Variants in TULP4 observed in about 807,000 individuals in gnomAD.
The protein encoded by TULP4 is TUB like protein 4, also known as tubby-related protein 4.
Under a neutral mutation model 129.0 loss-of-function variants are expected in TULP4, and 16 were observed. That is an observed-to-expected ratio of 0.12 (90% CI 0.08 to 0.19). The LOEUF (loss-of-function observed/expected upper bound fraction) is 0.19, where lower values mean the gene tolerates loss of function less well. Ranked by LOEUF, TULP4 falls within the 10% of genes least tolerant of loss-of-function variation. The pLI, the probability that TULP4 is intolerant of heterozygous loss-of-function variation, is 1.00. For synonymous variants in TULP4, 998 were observed against 854.0 expected, an observed-to-expected ratio of 1.17 and a Z score of -2.94; for missense variants, 1,842 against 2,059.1, an observed-to-expected ratio of 0.89 and a Z score of 2.04.
intron 1 of TULP4, among the ~76,000 whole-genome samples, chr6:158,351,762 A>G (rs552396321): frequency 9.0e-6 from 1 of 110,864 alleles, no homozygotes; most frequent in East Asian, 3.1e-4. Context: ...TCTGTTGCCC[A>G]GGTTGGAGTG....
chr6:158,437,649 T>C (rs935749170), intron 3 of TULP4: 1 of 152,240 alleles, frequency 6.6e-6, no homozygotes, highest in African/African-American at 2.4e-5. Flanking sequence ...CTGTTACAGA[T>C]ACTCATATGC....
rs1040945759 is a variant in TULP4 at position 158,301,663 on chromosome 6, T to C, written n.117-10388T>C. Among the ~76,000 whole-genome samples, 15 of 152,170 alleles carry C rather than the reference T, an allele frequency of 9.9e-5. No homozygotes were observed. In the East Asian group the frequency reaches 1.2e-3, roughly 12 times the overall value. On this transcript the variant is annotated intron_variant and non_coding_transcript_variant, in intron 1 of 1. Coordinates refer to the TULP4 transcript ENST00000432358. ...TCCACTAAGTCATTATGTTGAACTA[T>C]TAGCCCAGTAGGGGAGTGCAATGAA...
At chr6:158,504,330 G>T in intron 13 of TULP4, 152 bp downstream of exon 13, 1 of 663,724 alleles carries the variant, frequency 1.5e-6, no homozygotes, top group Non-Finnish European at 2.5e-6. Flanking sequence ...GGTTTTTAGT[G>T]TGCCCACTGC....
intron 1 of TULP4, among the ~76,000 whole-genome samples, chr6:158,304,473 T>C (rs1779182452): frequency 6.6e-6 from 1 of 152,216 alleles, no homozygotes; most frequent in African/African-American, 2.4e-5. Context: ...TATTTATTCT[T>C]AATGAAAACA....
At chr6:158,240,771 T>G (rs371481396) in intron 1 of TULP4, among the ~76,000 whole-genome samples, 1 of 105,460 alleles carries the variant, frequency 9.5e-6, no homozygotes, top group Non-Finnish European at 2.1e-5. Flanking sequence ...TCCCTCCCGG[T>G]CGGCACGGCT....
At chr6:158,348,344 C>G (rs1041833685) in intron 1 of TULP4, among the ~76,000 whole-genome samples, 23 of 151,798 alleles carry the variant, frequency 1.5e-4, no homozygotes, top group African/African-American at 4.8e-4. Context: ...TGTTTGTGTC[C>G]CTGGGTACTT....
intron 3 of TULP4, among the ~76,000 whole-genome samples, chr6:158,446,644 G>T (rs1779049218): frequency 6.6e-6 from 1 of 152,254 alleles, no homozygotes; most frequent in South Asian, 2.1e-4. Context: ...GTCTCAGCTT[G>T]GGCTGCTATA....
rs573148873 is a variant in TULP4 at position 158,509,246 on chromosome 6, ATT to A, written c.*2553_*2554del. Reference sequence around the variant, plus strand: ...CTTTTCTAATTGGGAAAAAATTCCTATTAATCACTTAAAAATTTTTTTTTGTA... The same window carrying A: ...CTTTTCTAATTGGGAAAAAATTCCTAAATCACTTAAAAATTTTTTTTTGTA... On this transcript the variant is annotated 3_prime_UTR_variant, in exon 14 of 14. Coordinates refer to ENST00000367097, the MANE Select transcript of TULP4 (RefSeq NM_020245.5). The A allele has an allele frequency of 7.4e-4, 113 of 152,152 alleles. No homozygotes were observed. The highest frequency in any genetic ancestry group is 2.4e-3 in the African/African-American group (101 of 41,504). 9.4% of individuals were successfully genotyped at this position (152,152 alleles called of 1,614,324 possible).
intron 3 of TULP4, among the ~76,000 whole-genome samples, chr6:158,443,401 G>A (rs1272214134): frequency 1.3e-5 from 2 of 152,120 alleles, no homozygotes; most frequent in African/African-American, 4.8e-5. Context: ...ACAGGCATGA[G>A]CTACCATGCC....
At chr6:158,240,526 C>T (rs1215384714) in intron 1 of TULP4, among the ~76,000 whole-genome samples, 3 of 94,462 alleles carry the variant, frequency 3.2e-5, no homozygotes, top group African/African-American at 6.7e-5. Context: ...GGGGGCTGAC[C>T]CCCCCACCTC....
rs544872281 is a variant in TULP4 at position 158,361,276 on chromosome 6, T to C, written c.252+47008T>C. On this transcript the variant is annotated intron_variant, in intron 1 of 13. Coordinates refer to ENST00000367097, the MANE Select transcript of TULP4 (RefSeq NM_020245.5). Reference sequence around the variant, plus strand: ...TGAGCAGAGTGATATCAGGAGCAGCTATTGCTGTTAGCTGTTCCTGTTAGC... The same window carrying C: ...TGAGCAGAGTGATATCAGGAGCAGCCATTGCTGTTAGCTGTTCCTGTTAGC... 5.9e-5 allele frequency among the ~76,000 whole-genome samples: 9 copies of C among 152,372 alleles called. No individual in the cohort carries two copies. In the South Asian group the frequency reaches 1.7e-3, roughly 28 times the overall value.
At chr6:158,400,457 G>C (rs113479640) in intron 1 of TULP4, among the ~76,000 whole-genome samples, 2,426 of 152,162 alleles carry the variant, frequency 0.016, 69 homozygotes, top group African/African-American at 0.054. Context: ...ACATCTCAAG[G>C]TGTAGTGTGT....
chr6:158,312,191 C>G (rs573043024), upstream of TULP4: 2 of 398,432 alleles, frequency 5.0e-6, no homozygotes, highest in East Asian at 7.1e-5. Flanking sequence ...TACACATTCA[C>G]ACGGGAAGAC....
intron 3 of TULP4, among the ~76,000 whole-genome samples, chr6:158,446,867 A>G (rs953031937): frequency 6.6e-6 from 1 of 152,104 alleles, no homozygotes; most frequent in Admixed American, 6.6e-5. Flanking sequence ...TACTCTTCTT[A>G]TATGGGCGCT....
At chr6:158,236,535 C>G (rs1777704000) in intron 1 of TULP4, among the ~76,000 whole-genome samples, 1 of 152,108 alleles carries the variant, frequency 6.6e-6, no homozygotes, top group African/African-American at 2.4e-5. Context: ...GAAAGTTCCT[C>G]TTTATCACAT....
chr6:158,312,311 C>G, upstream of TULP4: 1 of 392,904 alleles, frequency 2.5e-6, no homozygotes, highest in Non-Finnish European at 4.5e-6. Context: ...GAGAAAAATA[C>G]ATCACTAATG....
At chr6:158,401,659 A>C (rs1219409652) in intron 1 of TULP4, among the ~76,000 whole-genome samples, 5 of 152,044 alleles carry the variant, frequency 3.3e-5, no homozygotes, top group Non-Finnish European at 5.9e-5. Context: ...TGTGGCAGGT[A>C]GAGTCAGCTC....
intron 11 of TULP4, among the ~76,000 whole-genome samples, chr6:158,498,194 C>T (rs1230672284): frequency 6.6e-6 from 1 of 152,210 alleles, no homozygotes; most frequent in Non-Finnish European, 1.5e-5. Context: ...TTTATTCCTA[C>T]ATGAAACCAT....
chr6:158,441,554 A>G (rs1205836512), intron 3 of TULP4, among the ~76,000 whole-genome samples: 2 of 152,150 alleles, frequency 1.3e-5, no homozygotes, highest in African/African-American at 4.8e-5. Context: ...TCCACATGGC[A>G]CTGCTGCTCT....
Sources: allele counts gnomAD v4.1 joint callset (sites outside exome capture counted in the v4.1 genomes callset), GRCh38; gene constraint gnomAD v4.1.1; transcripts MANE v1.5; gene names NCBI Gene and HGNC (gene_info 2026-07-23, HGNC 2026-07-21).